The following PGCKA1 variants were observed in gnomAD, a reference collection of about 807,000 sequenced individuals.
PGCKA1 encodes the protein PDCD10 and GCKIII kinases-associated protein 1.
the PGCKA1 span, among the ~76,000 whole-genome samples, chr4:37,527,812 G>T: frequency 2.5e-4 from 36 of 146,886 alleles, no homozygotes; most frequent in Admixed American, 2.4e-3. Context: ...CCTGGCGACA[G>T]AGCAAGACTC....
chr4:37,571,355 C>CTTTTT, the PGCKA1 span, among the ~76,000 whole-genome samples: 12 of 78,074 alleles, frequency 1.5e-4, no homozygotes, highest in Non-Finnish European at 2.0e-4. Context: ...GACTATTATC[C>CTTTTT]TTTTTTTTTT....
At chr4:37,569,045 C>T in the PGCKA1 span, among the ~76,000 whole-genome samples, 17 of 149,914 alleles carry the variant, frequency 1.1e-4, no homozygotes, top group Non-Finnish European at 1.0e-4. Flanking sequence ...TGCAGTGAGC[C>T]GAGATGATGC....
the PGCKA1 span, among the ~76,000 whole-genome samples, chr4:37,472,989 G>A: frequency 6.6e-6 from 1 of 152,174 alleles, no homozygotes; most frequent in Non-Finnish European, 1.5e-5. Flanking sequence ...GAAGGTTACA[G>A]AATCAAAGAT....
the PGCKA1 span, among the ~76,000 whole-genome samples, chr4:37,478,786 C>G: frequency 2.6e-5 from 4 of 152,134 alleles, no homozygotes; most frequent in Admixed American, 1.3e-4. Context: ...CTGCCTCCCC[C>G]CTCTCAATAT....
the PGCKA1 span, among the ~76,000 whole-genome samples, chr4:37,584,605 G>A: frequency 6.6e-6 from 1 of 152,178 alleles, no homozygotes; most frequent in Non-Finnish European, 1.5e-5. Context: ...TCAGAAGCAG[G>A]GAAGGGGCAG....
chr4:37,474,806 T>C, the PGCKA1 span, among the ~76,000 whole-genome samples: 1 of 152,126 alleles, frequency 6.6e-6, no homozygotes, highest in African/African-American at 2.4e-5. Flanking sequence ...TGTTCCCACC[T>C]CTCCTCAGAA....
the PGCKA1 span, among the ~76,000 whole-genome samples, chr4:37,509,949 C>T: frequency 3.9e-5 from 4 of 102,342 alleles, no homozygotes; most frequent in South Asian, 3.5e-4. Flanking sequence ...AGAGGGAGAC[C>T]GTGGAGAGAG....
the PGCKA1 span, among the ~76,000 whole-genome samples, chr4:37,541,518 C>T: frequency 6.6e-6 from 1 of 152,202 alleles, no homozygotes; most frequent in African/African-American, 2.4e-5. Context: ...CTACCAGCCC[C>T]TCTTAGGGGC....
At chr4:37,584,004 AT>A in the PGCKA1 span, among the ~76,000 whole-genome samples, 1 of 152,068 alleles carries the variant, frequency 6.6e-6, no homozygotes, top group African/African-American at 2.4e-5. Context: ...AAAAGAGCAT[AT>A]TTTTTTCATT....
chr4:37,531,831 G>A, the PGCKA1 span, among the ~76,000 whole-genome samples: 1 of 146,860 alleles, frequency 6.8e-6, no homozygotes, highest in South Asian at 2.2e-4. Flanking sequence ...GGCAGAGCTT[G>A]CAGTGAGCCA....
the PGCKA1 span, among the ~76,000 whole-genome samples, chr4:37,513,360 T>C: frequency 6.6e-6 from 1 of 152,226 alleles, no homozygotes; most frequent in Non-Finnish European, 1.5e-5. Flanking sequence ...ATAAATTTTC[T>C]TACTGTTCTG....
At chr4:37,580,305 A>ATTT in the PGCKA1 span, among the ~76,000 whole-genome samples, 140 of 130,844 alleles carry the variant, frequency 1.1e-3, 4 homozygotes, top group Middle Eastern at 4.0e-3. Flanking sequence ...CGGTGAGGTC[A>ATTT]TTTTTTTTTT....
the PGCKA1 span, among the ~76,000 whole-genome samples, chr4:37,478,361 C>T: frequency 6.6e-6 from 1 of 152,032 alleles, no homozygotes; most frequent in African/African-American, 2.4e-5. Context: ...GGAGCCAGTT[C>T]ACTGGGAATC....
chr4:37,530,104 A>G, the PGCKA1 span, among the ~76,000 whole-genome samples: 1 of 152,214 alleles, frequency 6.6e-6, no homozygotes. Flanking sequence ...TCTAAACAGG[A>G]TGCATCTGTT....
chr4:37,516,282 G>C, the PGCKA1 span, among the ~76,000 whole-genome samples: 5 of 152,328 alleles, frequency 3.3e-5, no homozygotes, highest in African/African-American at 1.2e-4. Context: ...TGACAAGTCA[G>C]AATCTGCATT....
the PGCKA1 span, among the ~76,000 whole-genome samples, chr4:37,516,904 T>A: frequency 6.6e-6 from 1 of 152,132 alleles, no homozygotes. Context: ...GCATAAACTT[T>A]TAATAGCACA....
At chr4:37,537,503 A>G in the PGCKA1 span, among the ~76,000 whole-genome samples, 1 of 152,320 alleles carries the variant, frequency 6.6e-6, no homozygotes, top group African/African-American at 2.4e-5. Context: ...TAGTCTAGAA[A>G]TAACATAAGG....
the PGCKA1 span, among the ~76,000 whole-genome samples, chr4:37,486,382 C>T: frequency 6.6e-6 from 1 of 152,140 alleles, no homozygotes; most frequent in East Asian, 1.9e-4. Flanking sequence ...CCACCAAGCA[C>T]CCTTTAGGGA....
chr4:37,586,177 A>G, the PGCKA1 span, among the ~76,000 whole-genome samples: 2 of 152,062 alleles, frequency 1.3e-5, no homozygotes, highest in Non-Finnish European at 2.9e-5. Flanking sequence ...TCTACAGGCC[A>G]AGTGACTGAG....
Sources: gnomAD v4.1 joint callset for allele counts (sites outside exome capture counted in the v4.1 genomes callset) on GRCh38, gnomAD v4.1.1 for gene constraint, MANE v1.5 for transcripts, NCBI Gene and HGNC (gene_info 2026-07-23, HGNC 2026-07-21) for gene names.